FAM209A: variants seen among roughly 807,000 people sequenced by gnomAD.
FAM209A encodes the protein family with sequence similarity 209 member A, also known as protein FAM209A.
FAM209A carries 4 observed loss-of-function variants against 9.8 expected under a neutral mutation model. That is an observed-to-expected ratio of 0.41 (90% CI 0.20 to 0.94). FAM209A has a LOEUF of 0.94. Ranked by LOEUF, FAM209A falls within the 40% of genes least tolerant of loss-of-function variation. The pLI, the probability that FAM209A is intolerant of heterozygous loss-of-function variation, is 0.32. For synonymous variants in FAM209A, 55 were observed against 77.8 expected, an observed-to-expected ratio of 0.71 and a Z score of 1.54; for missense variants, 205 against 209.4, an observed-to-expected ratio of 0.98 and a Z score of 0.13.
At chr20:56,526,837 C>T (rs1042712991), downstream of FAM209A, among the ~76,000 whole-genome samples, 1 of 152,096 alleles carries the variant, frequency 6.6e-6, no homozygotes, top group Non-Finnish European at 1.5e-5. Context: ...GAGGCCGAGG[C>T]AGGAGGACTG....
downstream of FAM209A, among the ~76,000 whole-genome samples, chr20:56,526,721 C>T (rs370517325): frequency 5.7e-4 from 86 of 150,934 alleles, no homozygotes; most frequent in African/African-American, 2.0e-3. Flanking sequence ...GAGATCGCAC[C>T]GCTGCACTCC....
the FAM209A span, among the ~76,000 whole-genome samples, chr20:56,532,103 T>A: frequency 6.6e-6 from 1 of 151,544 alleles, no homozygotes; most frequent in Non-Finnish European, 1.5e-5. Context: ...GCCTCCCAAG[T>A]AGCTGGGATT....
At chr20:56,532,171 C>T in the FAM209A span, among the ~76,000 whole-genome samples, 1 of 151,452 alleles carries the variant, frequency 6.6e-6, no homozygotes, top group African/African-American at 2.4e-5. Flanking sequence ...GATAGGGTTT[C>T]ACCATGTTGG....
chr20:56,525,298 G>C (rs1985473946), intron 1 of FAM209A, among the ~76,000 whole-genome samples: 1 of 152,146 alleles, frequency 6.6e-6, no homozygotes, highest in African/African-American at 2.4e-5. Flanking sequence ...CAGATTTTCT[G>C]GTTAGATGGA....
chr20:56,530,582 C>T (rs1985708547), downstream of FAM209A, among the ~76,000 whole-genome samples: 1 of 151,942 alleles, frequency 6.6e-6, no homozygotes, highest in Non-Finnish European at 1.5e-5. Flanking sequence ...ATTGCAGCCG[C>T]AACTCCTGGG....
At chr20:56,533,449 G>T in the FAM209A span, 1 of 1,610,732 alleles carries the variant, frequency 6.2e-7, no homozygotes, top group African/African-American at 1.3e-5. Flanking sequence ...AGGGGAAGGT[G>T]CCGTGTGGAG....
chr20:56,528,427 C>CAA (rs34236877), downstream of FAM209A, among the ~76,000 whole-genome samples: 1,810 of 81,658 alleles, frequency 0.022, 62 homozygotes, highest in African/African-American at 0.069. Context: ...ACCCTCTCTA[C>CAA]AAAAAAAAAA....
chr20:56,532,021 C>A, the FAM209A span, among the ~76,000 whole-genome samples: 9 of 143,238 alleles, frequency 6.3e-5, no homozygotes, highest in African/African-American at 2.4e-4. Flanking sequence ...GTTGCCCAGA[C>A]TGGAGTGCAG....
At chr20:56,528,095 A>C (rs1159060624), downstream of FAM209A, among the ~76,000 whole-genome samples, 2 of 151,902 alleles carry the variant, frequency 1.3e-5, no homozygotes, top group Non-Finnish European at 2.9e-5. Context: ...CAACAGAGCT[A>C]GACTCTGTCT....
At position 56,525,829 on chromosome 20, in the gene FAM209A, G is replaced by A. The variant is rs771775116; in HGVS notation, c.275G>A (p.Gly92Asp). ...GAGCAGAGTCCTCCTGGCCTTCGAG[G>A]CGGCCAACTTCACTCTCCATTAAAG... ...NKEQSPPGLR[G>D]GQLHSPLKKK... Residue 92 changes from glycine (G) to aspartate (D), a missense_variant, in exon 2 of 2, where the codon GGC becomes GAC. Physicochemically the swap from Gly to Asp is moderately conservative, Grantham distance 94. Transcript: ENST00000371328. 1.1e-5 allele frequency: 18 copies of A among 1,614,076 alleles called. No homozygotes were observed. In the South Asian group the frequency reaches 1.8e-4, roughly 16 times the overall value.
At chr20:56,525,319 TGTA>T (rs923385499) in intron 1 of FAM209A, among the ~76,000 whole-genome samples, 1 of 152,182 alleles carries the variant, frequency 6.6e-6, no homozygotes, top group African/African-American at 2.4e-5. Flanking sequence ...TTTTTTCAAA[TGTA>T]GGATAGATTC....
At chr20:56,527,620 G>A (rs1454607621), downstream of FAM209A, among the ~76,000 whole-genome samples, 2 of 152,232 alleles carry the variant, frequency 1.3e-5, no homozygotes, top group African/African-American at 4.8e-5. Flanking sequence ...GTCACCCAGG[G>A]CGCAAGGAAG....
downstream of FAM209A, among the ~76,000 whole-genome samples, chr20:56,530,663 A>ATTTTTTTTTTTTT (rs34007542): frequency 7.2e-6 from 1 of 138,226 alleles, no homozygotes. Context: ...CACTCAGCTA[A>ATTTTTTTTTTTTT]TTTTTTTTTT....
the FAM209A span, among the ~76,000 whole-genome samples, chr20:56,532,672 C>A: frequency 1.3e-5 from 2 of 151,476 alleles, no homozygotes; most frequent in Admixed American, 1.3e-4. Context: ...TTAGTAAAGA[C>A]GGGGTTTCAC....
At chr20:56,526,208 T>C, downstream of FAM209A, 3 of 1,259,318 alleles carry the variant, frequency 2.4e-6, no homozygotes, top group East Asian at 5.0e-5. Context: ...AAAAAGTGAA[T>C]GGGAGACCAG....
At position 56,525,060 on chromosome 20, in the gene FAM209A, A is replaced by G. The variant is rs1158085607; in HGVS notation, c.249+3A>G. ...AAAGAGACAGTGAGAAGAATAAGGT[A>G]AGGATGGCTCCATTTTTTTTACACC... is the stretch of plus-strand genomic sequence containing the variant. On this transcript the variant is annotated splice_donor_region_variant and intron_variant, in intron 1 of 1. Coordinates refer to ENST00000371328, the MANE Select transcript of FAM209A (RefSeq NM_001012971.4). 16 of 1,613,208 alleles carry G rather than the reference A, an allele frequency of 9.9e-6. No individual in the cohort carries two copies. The highest frequency in any genetic ancestry group is 1.7e-5 in the Admixed American group (1 of 59,866).
the FAM209A span, chr20:56,533,103 C>G: frequency 7.3e-7 from 1 of 1,372,182 alleles, no homozygotes; most frequent in Non-Finnish European, 9.5e-7. Context: ...GGCACCCCGT[C>G]GTGCCTATCC....
At chr20:56,531,481 A>G in the FAM209A span, among the ~76,000 whole-genome samples, 168 of 150,386 alleles carry the variant, frequency 1.1e-3, no homozygotes, top group Non-Finnish European at 2.0e-3. Context: ...TTGTATTTTT[A>G]GTAGAGATGG....
the FAM209A span, among the ~76,000 whole-genome samples, chr20:56,532,772 G>A: frequency 6.6e-5 from 10 of 152,180 alleles, no homozygotes; most frequent in African/African-American, 1.2e-4. Context: ...GTGAGCTGCC[G>A]CGCCCGGCCA....
Sources: gnomAD v4.1 joint callset for allele counts (sites outside exome capture counted in the v4.1 genomes callset) on GRCh38, gnomAD v4.1.1 for gene constraint, MANE v1.5 for transcripts, NCBI Gene and HGNC (gene_info 2026-07-23, HGNC 2026-07-21) for gene names.